HSDL2: variants seen among roughly 807,000 people sequenced by gnomAD.
HSDL2 encodes hydroxysteroid dehydrogenase like 2, also known as hydroxysteroid dehydrogenase-like protein 2.
A neutral mutation model predicts 46.3 loss-of-function variants in HSDL2; 27 were observed. The ratio of observed to expected loss-of-function variants is 0.58; its 90% confidence interval spans 0.43 to 0.80. The LOEUF is 0.80. Among genes scored for constraint, HSDL2 ranks in the 30% least tolerant of loss-of-function variants. The pLI is 0.00. For synonymous variants in HSDL2, 153 were observed against 163.6 expected, an observed-to-expected ratio of 0.94 and a Z score of 0.50; for missense variants, 451 against 502.7, an observed-to-expected ratio of 0.90 and a Z score of 0.98.
At chr9:112,399,432 C>G (rs1044615151) in intron 1 of HSDL2, among the ~76,000 whole-genome samples, 1 of 152,112 alleles carries the variant, frequency 6.6e-6, no homozygotes, top group Non-Finnish European at 1.5e-5. Context: ...CAGTGGTGCA[C>G]GTATTGTCTT....
intron 8 of HSDL2, among the ~76,000 whole-genome samples, chr9:112,449,235 C>G (rs183387823): frequency 1.3e-5 from 2 of 151,768 alleles, no homozygotes; most frequent in African/African-American, 4.8e-5. Context: ...TACAGGTGCA[C>G]GCCACCATGC....
Position 112,418,879 on chromosome 9 carries a change from T to C in HSDL2, c.519T>C (p.Tyr173=), listed in dbSNP as rs549611931. ...TTTCAGCTTATACCATTGCTAAGTA[T>C]GGTATGTCTATGTATGTGCTTGGAA... ...KQHCAYTIAK[Y]GMSMYVLGMA... Residue 173 remains tyrosine, a synonymous_variant, in exon 6 of 11, where the codon TAT becomes TAC. Transcript: ENST00000398805. 1.3e-5 allele frequency: 21 copies of C among 1,595,932 alleles called. No individual in the cohort carries two copies. The East Asian group carries it at 3.2e-4, about 24-fold the overall frequency.
chr9:112,388,848 CA>C (rs1831275519), intron 1 of HSDL2, among the ~76,000 whole-genome samples: 1 of 147,956 alleles, frequency 6.8e-6, no homozygotes, highest in Non-Finnish European at 1.5e-5. Flanking sequence ...GAAGAGGCTG[CA>C]AAAATGTTCT....
At chr9:112,437,389 T>G (rs887374110) in intron 6 of HSDL2, among the ~76,000 whole-genome samples, 1 of 152,162 alleles carries the variant, frequency 6.6e-6, no homozygotes, top group Admixed American at 6.5e-5. Flanking sequence ...TATACTACTT[T>G]CATTGATTCT....
chr9:112,411,521 A>C (rs946692867), intron 4 of HSDL2, among the ~76,000 whole-genome samples: 3 of 152,092 alleles, frequency 2.0e-5, no homozygotes, highest in African/African-American at 4.8e-5. Context: ...CTAAAAATAC[A>C]AAAAATTAGC....
chr9:112,399,233 G>C (rs1387269735), intron 1 of HSDL2, among the ~76,000 whole-genome samples: 1 of 152,130 alleles, frequency 6.6e-6, no homozygotes, highest in African/African-American at 2.4e-5. Context: ...CGGTAGGACC[G>C]TGATGCCCAC....
intron 6 of HSDL2, among the ~76,000 whole-genome samples, chr9:112,419,958 A>G (rs1211732735): frequency 6.6e-6 from 1 of 152,260 alleles, no homozygotes; most frequent in Non-Finnish European, 1.5e-5. Context: ...GCTTAAAGGA[A>G]GAAAAAGAGA....
At chr9:112,381,724 C>A (rs999561366) in intron 1 of HSDL2, among the ~76,000 whole-genome samples, 2 of 152,140 alleles carry the variant, frequency 1.3e-5, no homozygotes, top group African/African-American at 4.8e-5. Flanking sequence ...ATGCTTGGTT[C>A]CAGACGTGTT....
rs140127452 is a variant in HSDL2, at chr9:112,441,931, C to T, written c.865+161C>T. On this transcript the variant is annotated intron_variant, in intron 8 of 10. Coordinates refer to ENST00000398805, the MANE Select transcript of HSDL2 (RefSeq NM_032303.5). ...AAGTAATGTGAGATCTCAGTTAATT[C>T]TAGTAAAGAAGGTTGTTTTGTTCAT... is the stretch of plus-strand genomic sequence containing the variant. Among the ~76,000 whole-genome samples, 6 of 151,922 alleles carry T rather than the reference C, an allele frequency of 3.9e-5. No individual in the cohort carries two copies. In the South Asian group the frequency reaches 6.2e-4, roughly 16 times the overall value.
intron 8 of HSDL2, among the ~76,000 whole-genome samples, chr9:112,444,422 GTT>G (rs34817199): frequency 3.8e-4 from 58 of 151,320 alleles, no homozygotes; most frequent in African/African-American, 1.4e-3. Flanking sequence ...AAATTGATGG[GTT>G]TTTTTTTTCT....
chr9:112,469,526 T>G (rs1833502231), intron 10 of HSDL2, among the ~76,000 whole-genome samples: 1 of 151,650 alleles, frequency 6.6e-6, no homozygotes, highest in Non-Finnish European at 1.5e-5. Context: ...TAGCCCTGCA[T>G]GGTGTTGCTT....
chr9:112,430,213 T>A (rs1408444855), intron 6 of HSDL2, among the ~76,000 whole-genome samples: 1 of 152,124 alleles, frequency 6.6e-6, no homozygotes, highest in Non-Finnish European at 1.5e-5. Flanking sequence ...CTTTGACATT[T>A]GAGCATACCG....
At chr9:112,424,701 G>A (rs1832208533) in intron 6 of HSDL2, among the ~76,000 whole-genome samples, 1 of 151,900 alleles carries the variant, frequency 6.6e-6, no homozygotes, top group Non-Finnish European at 1.5e-5. Context: ...GAACAATGTG[G>A]TGTTAGGGAT....
intron 6 of HSDL2, among the ~76,000 whole-genome samples, chr9:112,435,929 A>G (rs1832513946): frequency 6.6e-6 from 1 of 151,872 alleles, no homozygotes; most frequent in South Asian, 2.1e-4. Flanking sequence ...ATAAAGGATC[A>G]GTTCAAGAGT....
chr9:112,389,138 T>C (rs1831282680), intron 1 of HSDL2, among the ~76,000 whole-genome samples: 1 of 152,100 alleles, frequency 6.6e-6, no homozygotes, highest in Non-Finnish European at 1.5e-5. Flanking sequence ...ACAGTCTTCC[T>C]GACTGAGCCT....
At chr9:112,459,616 A>G in intron 10 of HSDL2, 39 bp downstream of exon 10, 1 of 1,574,048 alleles carries the variant, frequency 6.4e-7, no homozygotes, top group Non-Finnish European at 8.7e-7. Flanking sequence ...TATTGTTCAG[A>G]GAAAATTTAG....
chr9:112,446,530 C>A (rs1391817897), intron 8 of HSDL2, among the ~76,000 whole-genome samples: 1 of 152,190 alleles, frequency 6.6e-6, no homozygotes, highest in Non-Finnish European at 1.5e-5. Context: ...ACTTGGGAGG[C>A]TGAGGCGGGA....
chr9:112,430,877 A>AC (rs1466390841), intron 6 of HSDL2, among the ~76,000 whole-genome samples: 1 of 151,712 alleles, frequency 6.6e-6, no homozygotes, highest in African/African-American at 2.4e-5. Flanking sequence ...ACATGGTGAA[A>AC]CCCCATCTGT....
chr9:112,467,744 C>A (rs145713591), intron 10 of HSDL2, among the ~76,000 whole-genome samples: 1 of 152,282 alleles, frequency 6.6e-6, no homozygotes, highest in Non-Finnish European at 1.5e-5. Flanking sequence ...CCCACAGCTT[C>A]TTGATGCAGT....
Sources: gnomAD v4.1 joint callset for allele counts (sites outside exome capture counted in the v4.1 genomes callset) on GRCh38, gnomAD v4.1.1 for gene constraint, MANE v1.5 for transcripts, NCBI Gene and HGNC (gene_info 2026-07-23, HGNC 2026-07-21) for gene names.